The following PNPLA7 variants were observed in gnomAD, a reference collection of about 807,000 sequenced individuals.
The protein encoded by PNPLA7 is patatin like domain 7, lysophospholipase.
A neutral mutation model predicts 161.7 loss-of-function variants in PNPLA7; 153 were observed. The observed-to-expected ratio is 0.95, with a 90% CI of 0.83 to 1.08. The LOEUF is 1.08. PNPLA7 is among the 50% of genes least tolerant of loss of function. The pLI, the probability that PNPLA7 is intolerant of heterozygous loss-of-function variation, is 0.00. For missense variants in PNPLA7, 1,739 were observed against 1,856.6 expected, an observed-to-expected ratio of 0.94 and a Z score of 1.16; for synonymous variants, 809 against 782.1, an observed-to-expected ratio of 1.03 and a Z score of -0.57.
chr9:137,497,450 T>C (rs1833126269), intron 17 of PNPLA7, 140 bp from the exon 18 acceptor site: 6 of 798,118 alleles, frequency 7.5e-6, no homozygotes, highest in African/African-American at 1.8e-5. Flanking sequence ...TTGGAAAACA[T>C]ATTTTTTATT....
rs542447304 is a variant in PNPLA7 at position 137,543,314 on chromosome 9, C to A, written c.506+118G>T. 7.6e-7 allele frequency: 1 copy of A among 1,319,882 alleles called. No individual in the cohort carries two copies. The highest frequency in any genetic ancestry group is 1.9e-5 in the Admixed American group (1 of 51,544). The allele number at this position is 1,319,882 out of a possible 1,614,324, so 81.8% of individuals were successfully genotyped here. A position where few individuals can be genotyped will look rare whatever the true frequency, so the allele number is the denominator to read the frequency against. On this transcript the variant is annotated intron_variant, in intron 6 of 34. Coordinates refer to ENST00000406427, the MANE Select transcript of PNPLA7 (RefSeq NM_001098537.3). The surrounding 1 kb of genome is among the most constrained non-coding windows in gnomAD (Gnocchi z 6.9). ...CGGGGCACAGACACCAGCAGCCCCA[C>A]GATGCGCTTTGCCAACCATTCCCCC...
At chr9:137,497,380 C>T in intron 17 of PNPLA7, 70 bp from the exon 18 acceptor site, 15 of 1,361,472 alleles carry the variant, frequency 1.1e-5, no homozygotes, top group Non-Finnish European at 1.4e-5. Context: ...CTTCCCAATG[C>T]CAGACAGACT....
chr9:137,480,529 T>G (rs754986874), intron 22 of PNPLA7, 49 bp from the exon 23 acceptor site: 1 of 1,552,826 alleles, frequency 6.4e-7, no homozygotes. Context: ...GGCCTGGCAC[T>G]CTTAGCACAT....
intron 12 of PNPLA7, among the ~76,000 whole-genome samples, chr9:137,512,877 C>G (rs1834312906): frequency 6.6e-6 from 1 of 151,102 alleles, no homozygotes; most frequent in South Asian, 2.1e-4. Context: ...GTGGGAAGAT[C>G]ACTTGAGCCC....
chr9:137,465,369 G>A (rs537415497), intron 26 of PNPLA7, among the ~76,000 whole-genome samples: 200 of 152,284 alleles, frequency 1.3e-3, no homozygotes, highest in Non-Finnish European at 2.1e-3. Flanking sequence ...ATCCCAGCAC[G>A]GAAAGAGGAC....
rs11451865 is a variant in PNPLA7, at chr9:137,471,597, CA to C, written c.2883-4125del. 9.8e-3 allele frequency among the ~76,000 whole-genome samples: 1,032 copies of C among 105,688 alleles called. 15 individuals are homozygous for C. Among genetic ancestry groups the C allele is most frequent in the Admixed American group, 0.012 (118 of 9,666 alleles). The allele number at this position is 105,688 out of a possible 152,430, so 69.3% of individuals were successfully genotyped here. A position where few individuals can be genotyped will look rare whatever the true frequency, so the allele number is the denominator to read the frequency against. On this transcript the variant is annotated intron_variant, in intron 25 of 34. Transcript: ENST00000406427. ...TGGGTAACAGAGCAAGACTCCGTCTCAAAAAAAAAAAAAAAAGATACCATTT... is the reference window on the plus strand; with the variant it reads ...TGGGTAACAGAGCAAGACTCCGTCTCAAAAAAAAAAAAAAAGATACCATTT...
At position 137,540,617 on chromosome 9, in the gene PNPLA7, G is replaced by T; in HGVS notation, c.747+25C>A. The T allele has an allele frequency of 6.3e-7, 1 of 1,598,410 alleles. No individual in the cohort carries two copies. The highest frequency in any genetic ancestry group is 8.5e-7 in the Non-Finnish European group (1 of 1,172,822). On this transcript the variant is annotated intron_variant, in intron 8 of 34. Coordinates refer to ENST00000406427, the MANE Select transcript of PNPLA7 (RefSeq NM_001098537.3). This position sits in a 1 kb window ranked among gnomAD's most constrained non-coding sequence, Gnocchi z 5.1. ...TCCGGGGCCAACCCAGGGGCGCCCG[G>T]AGGGCCAGGCAGCGGGGGACTCACG...
Position 137,467,211 on chromosome 9 carries a change from C to T in PNPLA7, c.3039+106G>A. 1 of 1,421,008 alleles carries T rather than the reference C, an allele frequency of 7.0e-7. No individual in the cohort carries two copies. Among genetic ancestry groups the T allele is most frequent in the Admixed American group, 2.5e-5 (1 of 39,772 alleles). 88.0% of individuals were successfully genotyped at this position (1,421,008 alleles called of 1,614,324 possible). ...CTTCAGGGGGTAGCCTCCTCGAGGG[C>T]AGGGCCCTGCAGAGCCACATGCAGA... On this transcript the variant is annotated intron_variant, in intron 26 of 34. Coordinates refer to ENST00000406427, the MANE Select transcript of PNPLA7 (RefSeq NM_001098537.3). This position sits in a 1 kb window ranked among gnomAD's most constrained non-coding sequence, Gnocchi z 5.1.
rs1316238338 is a variant in PNPLA7, at chr9:137,463,455, T to C, written c.3303A>G (p.Gly1101=). The C allele has an allele frequency of 6.2e-7, 1 of 1,600,116 alleles. No individual in the cohort carries two copies. The highest frequency in any genetic ancestry group is 8.5e-7 in the Non-Finnish European group (1 of 1,173,534). The change falls in exon 29 of 35, where the codon GGA becomes GGG. Residue 1101 remains glycine, a synonymous_variant. Transcript: ENST00000406427. ...YMPPLCDPKD[G]HLLMDGGYIN... ...TGTAGCCCCCGTCCATCAGCAGGTG[T>C]CCGTCCTTCGGGTCACAGAGAGGGG...
rs1836192403 is a variant in PNPLA7 at position 137,541,359 on chromosome 9, C to T, written c.667-637G>A. 1.1e-6 allele frequency: 1 copy of T among 947,968 alleles called. No homozygotes were observed. The highest frequency in any genetic ancestry group is 6.2e-5 in the Admixed American group (1 of 16,218). 58.7% of individuals were successfully genotyped at this position (947,968 alleles called of 1,614,324 possible). On this transcript the variant is annotated intron_variant, in intron 7 of 34. Coordinates refer to ENST00000406427, the MANE Select transcript of PNPLA7 (RefSeq NM_001098537.3). This position sits in a 1 kb window ranked among gnomAD's most constrained non-coding sequence, Gnocchi z 4.4. ...CAGGAGCTACTGGCTCCAGCTTCCC[C>T]CAAGCCCCTTTCCCTTCTAATAACC... is the stretch of plus-strand genomic sequence containing the variant.
chr9:137,484,577 T>C lies in PNPLA7; in HGVS notation c.2347+10A>G, dbSNP rs2132166636. 2.5e-6 allele frequency: 4 copies of C among 1,587,124 alleles called. No homozygotes were observed. The highest frequency in any genetic ancestry group is 2.6e-6 in the Non-Finnish European group (3 of 1,161,756). On this transcript the variant is annotated intron_variant, in intron 21 of 34. Transcript: ENST00000406427. ...CAAGGATGGCTGGAGGCTGGGAGGC[T>C]CAGGCTTACCGATGGCGCTGAGGGC...
At position 137,547,434 on chromosome 9, in the gene PNPLA7, C is replaced by G. The variant is rs1836597383; in HGVS notation, c.106-38G>C. ...GGAAACACGGCGCCCATCAGCAAAGCCACAAACCTAACCCTAGCCCTAAGC... is the reference window on the plus strand; with the variant it reads ...GGAAACACGGCGCCCATCAGCAAAGGCACAAACCTAACCCTAGCCCTAAGC... On this transcript the variant is annotated intron_variant, in intron 2 of 34. Coordinates refer to ENST00000406427, the MANE Select transcript of PNPLA7 (RefSeq NM_001098537.3). This position sits in a 1 kb window ranked among gnomAD's most constrained non-coding sequence, Gnocchi z 4.6. 2.5e-6 allele frequency: 4 copies of G among 1,610,356 alleles called. No homozygotes were observed. Among genetic ancestry groups the G allele is most frequent in the Non-Finnish European group, 3.4e-6 (4 of 1,177,490 alleles).
chr9:137,480,909 G>T (rs1226430014), intron 22 of PNPLA7, 51 bp downstream of exon 22: 1 of 1,529,650 alleles, frequency 6.5e-7, no homozygotes, highest in Non-Finnish European at 8.9e-7. Flanking sequence ...ACACATCTCA[G>T]GGCTGCGTTG....
intron 19 of PNPLA7, among the ~76,000 whole-genome samples, chr9:137,494,294 C>T (rs1564308510): frequency 6.6e-6 from 1 of 152,090 alleles, no homozygotes; most frequent in Admixed American, 6.5e-5. Flanking sequence ...GAGTCACTTC[C>T]CTTTCCTCTG....
At chr9:137,501,787 A>G in intron 14 of PNPLA7, 60 bp from the exon 15 acceptor site, 1 of 1,545,386 alleles carries the variant, frequency 6.5e-7, no homozygotes, top group Non-Finnish European at 8.9e-7. Flanking sequence ...GGTCCAGAGA[A>G]CAGAGGCTGC....
At chr9:137,474,350 G>C (rs192191298) in intron 25 of PNPLA7, among the ~76,000 whole-genome samples, 1,703 of 152,232 alleles carry the variant, frequency 0.011, 12 homozygotes, top group Middle Eastern at 0.051. Flanking sequence ...GCGTGGGGAG[G>C]GCACCATGGA....
At chr9:137,517,948 A>C (rs949129132) in intron 11 of PNPLA7, among the ~76,000 whole-genome samples, 30 of 25,894 alleles carry the variant, frequency 1.2e-3, no homozygotes, top group Non-Finnish European at 1.7e-3. Flanking sequence ...CTCCATCCCC[A>C]CTCACTCACT....
chr9:137,503,822 G>T (rs1564324651), intron 14 of PNPLA7, among the ~76,000 whole-genome samples: 2 of 9,036 alleles, frequency 2.2e-4, no homozygotes, highest in Non-Finnish European at 4.6e-4. Flanking sequence ...GAAGATGAAG[G>T]AAGAAGAAAG....
rs142240985 is a variant in PNPLA7 at position 137,544,181 on chromosome 9, C to T, written c.274-366G>A. 1.2e-3 allele frequency among the ~76,000 whole-genome samples: 184 copies of T among 152,330 alleles called. 6 individuals are homozygous for T. The East Asian group carries it at 0.032, about 27-fold the overall frequency. Reference sequence around the variant, plus strand: ...TTTAAAAATCCACCACTGTCCCCACCGACCTTCCCCCCCAACTTCCCCTCT... The same window carrying T: ...TTTAAAAATCCACCACTGTCCCCACTGACCTTCCCCCCCAACTTCCCCTCT... On this transcript the variant is annotated intron_variant, in intron 4 of 34. Transcript: ENST00000406427.
Sources: allele counts gnomAD v4.1 joint callset (sites outside exome capture counted in the v4.1 genomes callset), GRCh38; gene constraint gnomAD v4.1.1; non-coding constraint Gnocchi (gnomAD v3.1); transcripts MANE v1.5; gene names NCBI Gene and HGNC (gene_info 2026-07-23, HGNC 2026-07-21).